TENM3: variants seen among roughly 807,000 people sequenced by gnomAD.
The protein encoded by TENM3 is teneurin transmembrane protein 3.
A neutral mutation model predicts 255.1 loss-of-function variants in TENM3; 63 were observed. The ratio of observed to expected loss-of-function variants is 0.25; its 90% CI spans 0.20 to 0.30. The LOEUF is 0.30. TENM3 is among the 10% of genes least tolerant of loss of function. The pLI, the probability that TENM3 is intolerant of heterozygous loss-of-function variation, is 1.00. For synonymous variants in TENM3, 1,306 were observed against 1,322.3 expected (o/e 0.99, Z 0.27); for missense variants, 2,929 against 3,461.1 (o/e 0.85, Z 3.86).
At chr4:181,456,742 T>G in the TENM3 span, among the ~76,000 whole-genome samples, 1 of 151,900 alleles carries the variant, frequency 6.6e-6, no homozygotes, top group Non-Finnish European at 1.5e-5. Flanking sequence ...TATTAAAAAT[T>G]TTCTGTTTAC....
the TENM3 span, among the ~76,000 whole-genome samples, chr4:182,047,774 A>C: frequency 6.6e-6 from 1 of 152,164 alleles, no homozygotes; most frequent in Non-Finnish European, 1.5e-5. Context: ...TTCATCTGCT[A>C]TGTATATGTC....
chr4:181,785,687 C>G, the TENM3 span, among the ~76,000 whole-genome samples: 1 of 151,890 alleles, frequency 6.6e-6, no homozygotes, highest in African/African-American at 2.4e-5. Flanking sequence ...TGCAAATATT[C>G]CAAAATCTGC....
the TENM3 span, among the ~76,000 whole-genome samples, chr4:181,841,186 T>G: frequency 2.6e-5 from 4 of 152,160 alleles, no homozygotes; most frequent in Non-Finnish European, 4.4e-5. Flanking sequence ...TAAAATTACC[T>G]TCTATGATTT....
the TENM3 span, among the ~76,000 whole-genome samples, chr4:181,692,809 A>G: frequency 6.6e-6 from 1 of 152,124 alleles, no homozygotes; most frequent in Non-Finnish European, 1.5e-5. Flanking sequence ...ATCACTCTTT[A>G]TTTGCTTAAT....
chr4:182,405,970 G>A (rs1390433484), intron 3 of TENM3, among the ~76,000 whole-genome samples: 1 of 152,190 alleles, frequency 6.6e-6, no homozygotes, highest in Non-Finnish European at 1.5e-5. Flanking sequence ...GGCATAAGAA[G>A]CAGTAGGTTG....
At chr4:181,609,434 T>A in the TENM3 span, among the ~76,000 whole-genome samples, 1 of 151,978 alleles carries the variant, frequency 6.6e-6, no homozygotes, top group South Asian at 2.1e-4. Flanking sequence ...TTTGCATTTC[T>A]CTTTTAGACT....
the TENM3 span, among the ~76,000 whole-genome samples, chr4:182,097,425 C>A: frequency 1.3e-5 from 2 of 152,098 alleles, no homozygotes; most frequent in Admixed American, 6.5e-5. Context: ...TAGCCCAGGA[C>A]ATGATGCCTT....
At chr4:182,051,006 A>G in the TENM3 span, among the ~76,000 whole-genome samples, 7 of 152,178 alleles carry the variant, frequency 4.6e-5, no homozygotes, top group African/African-American at 1.7e-4. Flanking sequence ...GTGCTGATTA[A>G]TGTGGCAGAA....
At chr4:182,202,758 T>A (rs913207948) in intron 1 of TENM3, among the ~76,000 whole-genome samples, 21 of 152,134 alleles carry the variant, frequency 1.4e-4, no homozygotes, top group Admixed American at 1.2e-3. Flanking sequence ...TGACTAAACC[T>A]AATCCACAGC....
At chr4:181,932,814 C>G in the TENM3 span, among the ~76,000 whole-genome samples, 1 of 152,150 alleles carries the variant, frequency 6.6e-6, no homozygotes, top group Non-Finnish European at 1.5e-5. Flanking sequence ...CACATATACA[C>G]CATGGAATAC....
rs114284137 is a variant in TENM3 at position 182,491,498 on chromosome 4, T to C, written c.512-109426T>C. On this transcript the variant is annotated intron_variant, in intron 3 of 27. Transcript: ENST00000511685. ...ATATAAACATGATACTGTGGTAGTT[T>C]TGGTATGTAGAATATTTATATTTAT... Among the ~76,000 whole-genome samples the C allele has an allele frequency of 7.1e-3, 1,075 of 152,216 alleles. 14 individuals carry two copies. The highest frequency in any genetic ancestry group is 0.025 in the African/African-American group (1,025 of 41,504).
At chr4:182,276,863 G>T (rs1156852832) in intron 1 of TENM3, among the ~76,000 whole-genome samples, 1 of 152,188 alleles carries the variant, frequency 6.6e-6, no homozygotes, top group Non-Finnish European at 1.5e-5. Context: ...AGTCTGCTAA[G>T]TAAAATGAAA....
chr4:182,545,631 C>T (rs1287488889), intron 3 of TENM3, among the ~76,000 whole-genome samples: 2 of 152,072 alleles, frequency 1.3e-5, no homozygotes, highest in African/African-American at 2.4e-5. Context: ...GCCACAGTCT[C>T]CCTCCCCGGT....
At chr4:182,635,140 A>C (rs1302839646) in intron 5 of TENM3, among the ~76,000 whole-genome samples, 1 of 152,228 alleles carries the variant, frequency 6.6e-6, no homozygotes, top group Non-Finnish European at 1.5e-5. Context: ...GAACTTTTTA[A>C]GGAACACTAG....
the TENM3 span, among the ~76,000 whole-genome samples, chr4:181,525,582 G>C: frequency 6.6e-6 from 1 of 152,164 alleles, no homozygotes; most frequent in East Asian, 1.9e-4. Context: ...GAATATTTAT[G>C]TCAAGAAATC....
At chr4:182,580,946 T>C (rs1745435442) in intron 3 of TENM3, among the ~76,000 whole-genome samples, 2 of 152,214 alleles carry the variant, frequency 1.3e-5, no homozygotes, top group Admixed American at 6.5e-5. Context: ...CAAATAATCA[T>C]TTAAGTACAA....
At chr4:182,765,135 A>T (rs923683349) in intron 22 of TENM3, among the ~76,000 whole-genome samples, 15 of 48,276 alleles carry the variant, frequency 3.1e-4, no homozygotes, top group African/African-American at 1.6e-3. Context: ...GCATGTGATT[A>T]AAAAAAAATG....
chr4:182,716,817 T>C (rs1759215527), intron 13 of TENM3, among the ~76,000 whole-genome samples: 1 of 152,220 alleles, frequency 6.6e-6, no homozygotes, highest in African/African-American at 2.4e-5. Flanking sequence ...GGTGACTGAT[T>C]GTAGTGTTAT....
chr4:182,640,402 A>G (rs28399965), intron 5 of TENM3, among the ~76,000 whole-genome samples: 34,796 of 152,122 alleles, frequency 0.23, 4,780 homozygotes, highest in African/African-American at 0.38. Flanking sequence ...TGTTAACTAC[A>G]TTTCTAGTTT....
Sources: allele counts gnomAD v4.1 joint callset (sites outside exome capture counted in the v4.1 genomes callset), GRCh38; gene constraint gnomAD v4.1.1; transcripts MANE v1.5; gene names NCBI Gene and HGNC (gene_info 2026-07-23, HGNC 2026-07-21).